Variants in GRM8 observed in about 807,000 individuals in gnomAD.
GRM8 encodes glutamate metabotropic receptor 8.
Under a neutral mutation model 87.2 loss-of-function variants are expected in GRM8, and 47 were observed. That is an observed-to-expected ratio of 0.54 (90% CI 0.43 to 0.69). The LOEUF (loss-of-function observed/expected upper bound fraction) is 0.69. Ranked by LOEUF, GRM8 falls within the 30% of genes least tolerant of loss-of-function variation. The probability of loss-of-function intolerance (pLI) is 0.00; values close to 1 mark genes in which losing one functional copy is unlikely to be tolerated. For synonymous variants in GRM8, 396 were observed against 404.5 expected, an observed-to-expected ratio of 0.98 and a Z score of 0.25; for missense variants, 1,019 against 1,139.2, an observed-to-expected ratio of 0.89 and a Z score of 1.52.
intron 3 of GRM8, among the ~76,000 whole-genome samples, chr7:126,980,569 G>A (rs1013015713): frequency 6.6e-5 from 10 of 152,096 alleles, no homozygotes; most frequent in African/African-American, 2.4e-4. Context: ...TGTCTTGAAA[G>A]GTTCTCCAAA....
chr7:127,064,902 T>A (rs1459685860), intron 3 of GRM8, among the ~76,000 whole-genome samples: 1 of 152,152 alleles, frequency 6.6e-6, no homozygotes, highest in Non-Finnish European at 1.5e-5. Flanking sequence ...AGGGAACACC[T>A]ATACACTGTT....
chr7:126,814,470 A>G (rs1396045067), intron 6 of GRM8, among the ~76,000 whole-genome samples: 1 of 152,118 alleles, frequency 6.6e-6, no homozygotes, highest in Non-Finnish European at 1.5e-5. Context: ...TCCAACAGAA[A>G]AACTTAAACA....
At position 126,685,276 on chromosome 7, in the gene GRM8, C is replaced by A. The variant is rs1280724336; in HGVS notation, c.1358-75778G>T. 6.6e-6 allele frequency among the ~76,000 whole-genome samples: 1 copy of A among 152,130 alleles called. No individual in the cohort carries two copies. The highest frequency in any genetic ancestry group is 2.4e-5 in the African/African-American group (1 of 41,444). On this transcript the variant is annotated intron_variant, in intron 7 of 10. Coordinates refer to ENST00000339582, the MANE Select transcript of GRM8 (RefSeq NM_000845.3). This position sits in a 1 kb window ranked among gnomAD's most constrained non-coding sequence, Gnocchi z 4.2. ...GCCAAGTTGCCTACAGGCAGGGGAA[C>A]AATGTGGTTGGGCACAGAGGGGTGA...
chr7:126,772,855 A>C (rs1585873255), intron 6 of GRM8, among the ~76,000 whole-genome samples: 1 of 152,116 alleles, frequency 6.6e-6, no homozygotes, highest in East Asian at 1.9e-4. Flanking sequence ...AAGATCTGCA[A>C]ATAAGAAAGA....
chr7:126,596,443 A>G (rs1418825811), intron 8 of GRM8, among the ~76,000 whole-genome samples: 1 of 152,174 alleles, frequency 6.6e-6, no homozygotes. Context: ...CTTGTTGGCT[A>G]CATGTATGCC....
chr7:126,499,884 T>C (rs1286392965), intron 9 of GRM8, among the ~76,000 whole-genome samples: 1 of 147,228 alleles, frequency 6.8e-6, no homozygotes, highest in Non-Finnish European at 1.5e-5. Context: ...AAGGTAATTA[T>C]AGTTAATAAC....
At chr7:126,729,174 G>A (rs2237765) in intron 7 of GRM8, among the ~76,000 whole-genome samples, 1 of 151,974 alleles carries the variant, frequency 6.6e-6, no homozygotes, top group Non-Finnish European at 1.5e-5. Context: ...ATTTTCTCAC[G>A]TGGCACCAAT....
chr7:126,864,310 T>C (rs534100678), intron 6 of GRM8, among the ~76,000 whole-genome samples: 2 of 152,128 alleles, frequency 1.3e-5, no homozygotes, highest in Non-Finnish European at 2.9e-5. Context: ...TACTTGGCTA[T>C]TGCCTCTCCT....
intron 7 of GRM8, among the ~76,000 whole-genome samples, chr7:126,637,767 T>C (rs1802004284): frequency 6.6e-6 from 1 of 152,144 alleles, no homozygotes; most frequent in Non-Finnish European, 1.5e-5. Context: ...TTAATCTATT[T>C]ACAGCAGTCT....
At chr7:127,072,937 CT>C (rs372409331) in intron 3 of GRM8, among the ~76,000 whole-genome samples, 134 of 145,706 alleles carry the variant, frequency 9.2e-4, no homozygotes, top group East Asian at 4.0e-3. Context: ...ACCTCTCTTT[CT>C]TTTTTTTTTT....
intron 3 of GRM8, chr7:126,981,164 G>A (rs1178640404): frequency 6.6e-6 from 1 of 152,564 alleles, no homozygotes; most frequent in Admixed American, 6.6e-5. Context: ...CACTTCAAGG[G>A]ATATTGGCAT....
chr7:127,179,887 A>T (rs1053668907), intron 2 of GRM8, among the ~76,000 whole-genome samples: 61 of 152,230 alleles, frequency 4.0e-4, no homozygotes, highest in East Asian at 5.8e-4. Flanking sequence ...AAGCACCTAT[A>T]TCAAAAAGAT....
At chr7:127,157,174 G>A (rs1792781848) in intron 2 of GRM8, among the ~76,000 whole-genome samples, 2 of 149,474 alleles carry the variant, frequency 1.3e-5, no homozygotes, top group African/African-American at 4.9e-5. Context: ...AGGGAGGGAA[G>A]GAGGGGAAAG....
chr7:126,747,501 G>C (rs1256228960), intron 7 of GRM8, among the ~76,000 whole-genome samples: 1 of 151,894 alleles, frequency 6.6e-6, no homozygotes, highest in Non-Finnish European at 1.5e-5. Flanking sequence ...TGACTTACTA[G>C]AATATAAGCC....
chr7:126,776,073 G>A (rs945918431), intron 6 of GRM8, among the ~76,000 whole-genome samples: 3 of 152,102 alleles, frequency 2.0e-5, no homozygotes, highest in African/African-American at 7.2e-5. Context: ...GCCTAGATTA[G>A]ATCATCGAGC....
intron 3 of GRM8, among the ~76,000 whole-genome samples, chr7:127,106,048 C>T (rs1825776549): frequency 6.6e-6 from 1 of 152,194 alleles, no homozygotes; most frequent in Non-Finnish European, 1.5e-5. Flanking sequence ...TTAAGTATAG[C>T]CTTGAGGGCT....
chr7:126,450,130 G>A (rs1350611594), intron 9 of GRM8, among the ~76,000 whole-genome samples: 10 of 151,874 alleles, frequency 6.6e-5, no homozygotes, highest in Middle Eastern at 3.4e-3. Flanking sequence ...TCTACTCAAC[G>A]TAGGCCATGA....
At chr7:126,563,881 G>A (rs551435189) in intron 8 of GRM8, among the ~76,000 whole-genome samples, 1 of 152,320 alleles carries the variant, frequency 6.6e-6, no homozygotes, top group South Asian at 2.1e-4. Flanking sequence ...GTGTGAAAGT[G>A]TACATTAACA....
At chr7:126,826,628 A>T (rs1394251245) in intron 6 of GRM8, among the ~76,000 whole-genome samples, 2 of 152,054 alleles carry the variant, frequency 1.3e-5, no homozygotes, top group Non-Finnish European at 2.9e-5. Context: ...CCTTTGTCAG[A>T]TGAGTAGGTT....
Sources: allele counts gnomAD v4.1 joint callset (sites outside exome capture counted in the v4.1 genomes callset), GRCh38; gene constraint gnomAD v4.1.1; non-coding constraint Gnocchi (gnomAD v3.1); transcripts MANE v1.5; gene names NCBI Gene and HGNC (gene_info 2026-07-23, HGNC 2026-07-21).